The following BABAM2 variants were observed in gnomAD, a reference collection of about 807,000 sequenced individuals.
BABAM2 encodes BRISC and BRCA1-A complex member 2.
A neutral mutation model predicts 54.7 loss-of-function variants in BABAM2; 31 were observed. The ratio of observed to expected loss-of-function variants is 0.57; its 90% confidence interval spans 0.43 to 0.77. The LOEUF is 0.77. Among genes scored for constraint, BABAM2 ranks in the 30% least tolerant of loss-of-function variants. The pLI is 0.00. For missense variants in BABAM2, 364 were observed against 455.8 expected (o/e 0.80, Z 1.83); for synonymous variants, 167 against 162.9 (o/e 1.03, Z -0.19).
chr2:28,086,871 C>T (rs1324256921), intron 6 of BABAM2, among the ~76,000 whole-genome samples: 1 of 152,198 alleles, frequency 6.6e-6, no homozygotes, highest in Non-Finnish European at 1.5e-5. Context: ...ATAGAGTCCA[C>T]TTCTAATTAC....
chr2:27,915,026 A>C (rs1308109420), intron 2 of BABAM2, among the ~76,000 whole-genome samples: 1 of 151,826 alleles, frequency 6.6e-6, no homozygotes, highest in African/African-American at 2.4e-5. Context: ...TTTCCCTGTA[A>C]ATTTCTGCTG....
At chr2:28,027,743 T>A (rs955105180) in intron 5 of BABAM2, among the ~76,000 whole-genome samples, 7 of 152,238 alleles carry the variant, frequency 4.6e-5, no homozygotes. Context: ...ACTTTTTGAC[T>A]TTTATGAATA....
At chr2:28,044,241 T>C (rs1056217971) in intron 5 of BABAM2, among the ~76,000 whole-genome samples, 2 of 152,208 alleles carry the variant, frequency 1.3e-5, no homozygotes, top group African/African-American at 4.8e-5. Context: ...ACCTTTTTTG[T>C]TTTTTGAGAC....
chr2:28,261,006 A>G (rs1285675268), intron 10 of BABAM2, among the ~76,000 whole-genome samples: 3 of 145,982 alleles, frequency 2.1e-5, no homozygotes, highest in Admixed American at 7.0e-5. Context: ...CAGTGGCACA[A>G]TCTTGGCTCA....
chr2:28,004,749 G>A (rs1287378673), intron 4 of BABAM2, among the ~76,000 whole-genome samples: 1 of 151,820 alleles, frequency 6.6e-6, no homozygotes, highest in African/African-American at 2.4e-5. Flanking sequence ...AAGTGTGGCG[G>A]CACAATCACA....
intron 6 of BABAM2, among the ~76,000 whole-genome samples, chr2:28,127,426 G>A (rs138773520): frequency 6.6e-6 from 1 of 152,232 alleles, no homozygotes; most frequent in African/African-American, 2.4e-5. Flanking sequence ...GTAGGCTATC[G>A]TTGTGGGCTA....
chr2:27,899,387 G>A (rs1364729184), intron 2 of BABAM2, among the ~76,000 whole-genome samples: 2 of 151,430 alleles, frequency 1.3e-5, no homozygotes, highest in Admixed American at 6.6e-5. Context: ...CCTTTTGGGT[G>A]TTCTCAAATT....
chr2:28,077,240 A>T (rs1320631289), intron 6 of BABAM2, among the ~76,000 whole-genome samples: 1 of 152,254 alleles, frequency 6.6e-6, no homozygotes, highest in South Asian at 2.1e-4. Flanking sequence ...ATATTTGAAT[A>T]TCTTCTTACA....
chr2:27,996,123 T>C (rs1673126991), intron 4 of BABAM2, among the ~76,000 whole-genome samples: 1 of 152,218 alleles, frequency 6.6e-6, no homozygotes, highest in African/African-American at 2.4e-5. Context: ...TTATCCATCA[T>C]GTGGTTCTGT....
chr2:28,046,343 C>T (rs1353311035), intron 6 of BABAM2, among the ~76,000 whole-genome samples: 1 of 152,034 alleles, frequency 6.6e-6, no homozygotes, highest in Non-Finnish European at 1.5e-5. Flanking sequence ...TCCTATAATC[C>T]CAGCTACTCG....
chr2:28,079,028 A>G (rs1664936808), intron 6 of BABAM2, among the ~76,000 whole-genome samples: 4 of 152,182 alleles, frequency 2.6e-5, no homozygotes. Flanking sequence ...AGCTGAACAC[A>G]CAAATTAACA....
chr2:27,933,151 G>A (rs375610528), intron 3 of BABAM2, among the ~76,000 whole-genome samples: 3 of 152,144 alleles, frequency 2.0e-5, no homozygotes, highest in East Asian at 1.9e-4. Flanking sequence ...ATTACTATAA[G>A]CTCTTCATGG....
At chr2:28,200,200 A>G (rs1478613126) in intron 7 of BABAM2, among the ~76,000 whole-genome samples, 1 of 152,192 alleles carries the variant, frequency 6.6e-6, no homozygotes, top group Non-Finnish European at 1.5e-5. Flanking sequence ...AGGACATTGT[A>G]TTTCTTCACT....
intron 3 of BABAM2, among the ~76,000 whole-genome samples, chr2:27,964,453 C>T (rs982044605): frequency 2.6e-5 from 4 of 152,134 alleles, no homozygotes; most frequent in Non-Finnish European, 5.9e-5. Context: ...AAATTATCTG[C>T]GATGTATAGT....
chr2:27,989,246 A>T (rs1672611338), intron 4 of BABAM2, among the ~76,000 whole-genome samples: 1 of 152,194 alleles, frequency 6.6e-6, no homozygotes. Flanking sequence ...CTTCTTCTGT[A>T]TTAAGTCTGC....
chr2:28,158,695 T>C (rs1472478448), intron 7 of BABAM2, among the ~76,000 whole-genome samples: 2 of 152,264 alleles, frequency 1.3e-5, no homozygotes, highest in African/African-American at 4.8e-5. Flanking sequence ...CTATGTAATA[T>C]AGCTTGAGAC....
At chr2:28,041,654 T>C (rs1677111339) in intron 5 of BABAM2, among the ~76,000 whole-genome samples, 1 of 152,218 alleles carries the variant, frequency 6.6e-6, no homozygotes, top group South Asian at 2.1e-4. Context: ...GGCACACGCC[T>C]GCATCAACCC....
rs543192930 is a variant in BABAM2 at position 28,127,235 on chromosome 2, G to A, written c.571-2036G>A. On this transcript the variant is annotated intron_variant, in intron 6 of 11. Coordinates refer to ENST00000379624, the MANE Select transcript of BABAM2 (RefSeq NM_199191.3). ...TAATTTTTTAAAAAAGAAAGAAAAC[G>A]GAAAGGGAAGTGGCCAAAGAGACAA... Among the ~76,000 whole-genome samples, 6 of 152,222 alleles carry A rather than the reference G, an allele frequency of 3.9e-5. No homozygotes were observed. In the South Asian group the frequency reaches 8.3e-4, roughly 21 times the overall value.
At chr2:28,026,831 T>A (rs1377567140) in intron 5 of BABAM2, among the ~76,000 whole-genome samples, 7 of 52,562 alleles carry the variant, frequency 1.3e-4, no homozygotes, top group Admixed American at 5.5e-4. Flanking sequence ...TTTATATATA[T>A]AAATATATAT....
Sources: allele counts gnomAD v4.1 joint callset (sites outside exome capture counted in the v4.1 genomes callset), GRCh38; gene constraint gnomAD v4.1.1; transcripts MANE v1.5; gene names NCBI Gene and HGNC (gene_info 2026-07-23, HGNC 2026-07-21).